TMCC3: variants seen among roughly 807,000 people sequenced by gnomAD.
TMCC3 encodes transmembrane and coiled-coil domain family 3.
A neutral mutation model predicts 40.2 loss-of-function variants in TMCC3; 28 were observed. That is an observed-to-expected ratio of 0.70 (90% CI 0.52 to 0.95). The LOEUF (loss-of-function observed/expected upper bound fraction) is 0.95. Ranked by LOEUF, TMCC3 falls within the 40% of genes least tolerant of loss-of-function variation. The probability of loss-of-function intolerance (pLI) is 0.00; values close to 1 mark genes in which losing one functional copy is unlikely to be tolerated. For synonymous variants in TMCC3, 255 were observed against 248.5 expected, an observed-to-expected ratio of 1.03 and a Z score of -0.25; for missense variants, 554 against 615.2, an observed-to-expected ratio of 0.90 and a Z score of 1.05.
chr12:94,612,288 C>T (rs1026508951), intron 1 of TMCC3, among the ~76,000 whole-genome samples: 2 of 151,628 alleles, frequency 1.3e-5, no homozygotes, highest in East Asian at 1.9e-4. Flanking sequence ...CATGAGCCAG[C>T]GTGCCCAAAT....
chr12:94,605,997 A>G (rs2068780530), intron 1 of TMCC3, among the ~76,000 whole-genome samples: 1 of 151,982 alleles, frequency 6.6e-6, no homozygotes, highest in Non-Finnish European at 1.5e-5. Context: ...AATCCAAATG[A>G]GATTAGTAAC....
chr12:94,642,562 G>C (rs1198668620), intron 1 of TMCC3, among the ~76,000 whole-genome samples: 1 of 152,188 alleles, frequency 6.6e-6, no homozygotes, highest in African/African-American at 2.4e-5. Flanking sequence ...TTAAAATGTG[G>C]CTTCCTCAGG....
At chr12:94,586,266 A>C (rs2068637932) in intron 1 of TMCC3, among the ~76,000 whole-genome samples, 1 of 152,232 alleles carries the variant, frequency 6.6e-6, no homozygotes. Context: ...TACAAAGTGA[A>C]ATAAGTACTC....
At chr12:94,631,667 C>G (rs1280079453) in intron 1 of TMCC3, among the ~76,000 whole-genome samples, 1 of 152,162 alleles carries the variant, frequency 6.6e-6, no homozygotes, top group Non-Finnish European at 1.5e-5. Context: ...CAAAGCAGCC[C>G]TAGCAAATTA....
chr12:94,624,493 G>A (rs111444608), intron 1 of TMCC3, among the ~76,000 whole-genome samples: 1,795 of 149,566 alleles, frequency 0.012, 33 homozygotes, highest in African/African-American at 0.042. Context: ...CAGGTGGATC[G>A]TCTGAGCTCA....
At chr12:94,609,001 C>G (rs1291089993) in intron 1 of TMCC3, among the ~76,000 whole-genome samples, 1 of 152,110 alleles carries the variant, frequency 6.6e-6, no homozygotes, top group African/African-American at 2.4e-5. Context: ...TGGCTTGAGC[C>G]CAGGAGTTCG....
At chr12:94,630,839 G>A (rs569644048) in intron 1 of TMCC3, among the ~76,000 whole-genome samples, 4 of 152,132 alleles carry the variant, frequency 2.6e-5, no homozygotes, top group South Asian at 2.1e-4. Context: ...AGCGATTCTC[G>A]TGCCTTGGCT....
chr12:94,572,056 G>C (rs1330641018), intron 3 of TMCC3, among the ~76,000 whole-genome samples: 1 of 152,200 alleles, frequency 6.6e-6, no homozygotes, highest in Non-Finnish European at 1.5e-5. Flanking sequence ...CTGGAGTGCA[G>C]TGGTGCGATC....
intron 1 of TMCC3, among the ~76,000 whole-genome samples, chr12:94,611,798 G>A (rs1019476591): frequency 6.6e-6 from 1 of 151,230 alleles, no homozygotes; most frequent in African/African-American, 2.4e-5. Context: ...TACCTGTTCA[G>A]TACAGATGCA....
chr12:94,589,280 G>C (rs2068657693), intron 1 of TMCC3, among the ~76,000 whole-genome samples: 1 of 152,164 alleles, frequency 6.6e-6, no homozygotes, highest in South Asian at 2.1e-4. Flanking sequence ...ATGCCACCCA[G>C]AATGTGCTAG....
rs1296443404 is a variant in TMCC3 at position 94,650,380 on chromosome 12, G to A, written c.51C>T (p.Pro17=). Residue 17 remains proline (P), a synonymous_variant, in exon 1 of 4, where the codon CCC becomes CCT. Coordinates refer to ENST00000261226, the MANE Select transcript of TMCC3 (RefSeq NM_020698.4). ...ALTVDRTYSY[P]GRHHRCKSRV... ...GGCTCTTGCAGCGGTGGTGCCGGCC[G>A]GGGTACGAGTAGGTCCGGTCCACGG... 3 of 1,344,314 alleles carry A rather than the reference G, an allele frequency of 2.2e-6. No individual in the cohort carries two copies. Among genetic ancestry groups the A allele is most frequent in the South Asian group, 1.7e-5 (1 of 57,404 alleles). The allele number at this position is 1,344,314 out of a possible 1,614,324, so 83.3% of individuals were successfully genotyped here. A position where few individuals can be genotyped will look rare whatever the true frequency, so the allele number is the denominator to read the frequency against.
chr12:94,621,585 C>T (rs535617733), intron 1 of TMCC3, among the ~76,000 whole-genome samples: 4 of 152,312 alleles, frequency 2.6e-5, no homozygotes, highest in South Asian at 4.1e-4. Flanking sequence ...GGAGGTTCTG[C>T]AGTACCCCAG....
At chr12:94,640,874 C>A (rs533774772) in intron 1 of TMCC3, among the ~76,000 whole-genome samples, 2 of 152,042 alleles carry the variant, frequency 1.3e-5, no homozygotes, top group African/African-American at 2.4e-5. Context: ...TTGGGGGCAA[C>A]GAGGAAAAGA....
intron 1 of TMCC3, among the ~76,000 whole-genome samples, chr12:94,640,709 C>A (rs190291443): frequency 6.6e-5 from 10 of 152,320 alleles, no homozygotes; most frequent in Admixed American, 5.9e-4. Flanking sequence ...AAACTCAGAA[C>A]AACAAATGTT....
At chr12:94,608,682 C>G (rs1387281295) in intron 1 of TMCC3, among the ~76,000 whole-genome samples, 3 of 152,168 alleles carry the variant, frequency 2.0e-5, no homozygotes, top group Non-Finnish European at 1.5e-5. Context: ...AGATCCTGTA[C>G]TCTCAGCCTC....
Position 94,582,220 on chromosome 12 carries a change from ACTT to A in TMCC3, c.394_396del (p.Lys132del), listed in dbSNP as rs757882715. The A allele has an allele frequency of 2.5e-5, 40 of 1,614,120 alleles. No individual in the cohort carries two copies. The highest frequency in any genetic ancestry group is 3.3e-5 in the Non-Finnish European group (39 of 1,180,024). ...CTGAGCTTTCGATGATACTGCTCTA[ACTT>A]CTTCTGCAGCTGGGCGATGGAGTGA... On this transcript the variant is annotated inframe_deletion, in exon 2 of 4. Coordinates refer to ENST00000261226, the MANE Select transcript of TMCC3 (RefSeq NM_020698.4).
chr12:94,587,568 A>C (rs2068645487), intron 1 of TMCC3, among the ~76,000 whole-genome samples: 1 of 152,206 alleles, frequency 6.6e-6, no homozygotes, highest in South Asian at 2.1e-4. Context: ...TGATTCTTCA[A>C]AGAGTTGTGA....
intron 1 of TMCC3, among the ~76,000 whole-genome samples, chr12:94,588,818 G>C (rs2068653580): frequency 1.5e-5 from 2 of 130,294 alleles, no homozygotes; most frequent in African/African-American, 6.2e-5. Flanking sequence ...TCTTAAATCG[G>C]TATGAGATTT....
chr12:94,590,675 C>T (rs1389871563), intron 1 of TMCC3: 1 of 260,602 alleles, frequency 3.8e-6, no homozygotes, highest in Non-Finnish European at 7.4e-6. Context: ...TCAGCATGGC[C>T]CCACAGTGGG....
Sources: gnomAD v4.1 joint callset for allele counts (sites outside exome capture counted in the v4.1 genomes callset) on GRCh38, gnomAD v4.1.1 for gene constraint, MANE v1.5 for transcripts, NCBI Gene and HGNC (gene_info 2026-07-23, HGNC 2026-07-21) for gene names.